Variants in ZC3H12D observed in about 807,000 individuals in gnomAD.
ZC3H12D encodes the protein probable ribonuclease ZC3H12D.
ZC3H12D carries 11 observed loss-of-function variants against 24.2 expected under a neutral mutation model. The observed-to-expected ratio is 0.46, with a 90% CI of 0.29 to 0.75. ZC3H12D has a LOEUF of 0.75. ZC3H12D is among the 30% of genes least tolerant of loss of function. The pLI is 0.11. For synonymous variants in ZC3H12D, 333 were observed against 341.8 expected, an observed-to-expected ratio of 0.97 and a Z score of 0.28; for missense variants, 740 against 767.7, an observed-to-expected ratio of 0.96 and a Z score of 0.43.
chr6:149,452,338 C>T lies in ZC3H12D; in HGVS notation c.787+278G>A, dbSNP rs865981378. The T allele has an allele frequency of 8.4e-6, 3 of 358,964 alleles. No homozygotes were observed. Among genetic ancestry groups the T allele is most frequent in the South Asian group, 9.5e-5 (1 of 10,472 alleles). The allele number at this position is 358,964 out of a possible 1,614,324, so 22.2% of individuals were successfully genotyped here. A position where few individuals can be genotyped will look rare whatever the true frequency, so the allele number is the denominator to read the frequency against. On this transcript the variant is annotated intron_variant, in intron 5 of 5. Transcript: ENST00000409806. The surrounding 1 kb of genome is among the most constrained non-coding windows in gnomAD (Gnocchi z 4.0). ...CTGAGACCCGCAGCTGGGTTTGTGT[C>T]CAGGCTCCCGGCTTCTCAGACACAG...
At chr6:149,472,040 C>A (rs1776252509) in intron 2 of ZC3H12D, among the ~76,000 whole-genome samples, 1 of 152,220 alleles carries the variant, frequency 6.6e-6, no homozygotes, top group African/African-American at 2.4e-5. Context: ...CAATGAGACA[C>A]CACTTTGGGT....
At chr6:149,476,710 A>G (rs1462452265) in intron 1 of ZC3H12D, among the ~76,000 whole-genome samples, 2 of 152,190 alleles carry the variant, frequency 1.3e-5, no homozygotes, top group Non-Finnish European at 1.5e-5. Context: ...TAGGAGGCTG[A>G]GACGGGAAAA....
At chr6:149,462,192 G>A (rs2115005985) in intron 2 of ZC3H12D, among the ~76,000 whole-genome samples, 1 of 152,192 alleles carries the variant, frequency 6.6e-6, no homozygotes, top group Admixed American at 6.5e-5. Flanking sequence ...TGGCCAACAT[G>A]GTGAAACCCC....
intron 3 of ZC3H12D, 122 bp from the exon 4 acceptor site, chr6:149,457,022 A>G: frequency 1.1e-6 from 1 of 915,834 alleles, no homozygotes; most frequent in Non-Finnish European, 1.6e-6. Flanking sequence ...GGAGCGGGGA[A>G]AAAACACCAG....
intron 1 of ZC3H12D, among the ~76,000 whole-genome samples, 156 bp from the exon 2 acceptor site, chr6:149,474,769 A>C (rs1776305306): frequency 6.6e-6 from 1 of 152,228 alleles, no homozygotes; most frequent in Admixed American, 6.5e-5. Flanking sequence ...GTGGCTGTGG[A>C]GCTGCAGAAG....
Position 149,451,091 on chromosome 6 carries a change from AG to A in ZC3H12D, c.1175del (p.Pro392LeufsTer106). On this transcript the variant is annotated frameshift_variant, in exon 6 of 6. Coordinates refer to ENST00000409806, the MANE Select transcript of ZC3H12D (RefSeq NM_207360.3). LOFTEE classifies it low-confidence loss of function (END_TRUNC). Reference sequence around the variant, plus strand: ...CCGGGGAGAACTGGCTCTCCGGGCTAGGGAGGCTGAGCGGGCCTGGCACCCG... The same window carrying A: ...CCGGGGAGAACTGGCTCTCCGGGCTAGGAGGCTGAGCGGGCCTGGCACCCG... ...GGRVPGPLSLPSPESQFSPGD... is the reference protein window; with the variant it reads ...GGRVPGPLSLXSPESQFSPGD... The A allele has an allele frequency of 7.2e-7, 1 of 1,380,068 alleles. No homozygotes were observed. The allele number at this position is 1,380,068 out of a possible 1,614,324, so 85.5% of individuals were successfully genotyped here. A position where few individuals can be genotyped will look rare whatever the true frequency, so the allele number is the denominator to read the frequency against.
intron 1 of ZC3H12D, among the ~76,000 whole-genome samples, chr6:149,482,261 G>A (rs1776439395): frequency 6.6e-6 from 1 of 152,270 alleles, no homozygotes; most frequent in East Asian, 1.9e-4. Context: ...GTGGGGTGCT[G>A]CTCTTAGGAG....
At position 149,452,924 on chromosome 6, in the gene ZC3H12D, C is replaced by G. The variant is rs1775924321; in HGVS notation, c.681-202G>C. On this transcript the variant is annotated intron_variant, in intron 4 of 5. Coordinates refer to ENST00000409806, the MANE Select transcript of ZC3H12D (RefSeq NM_207360.3). This position sits in a 1 kb window ranked among gnomAD's most constrained non-coding sequence, Gnocchi z 4.0. ...CCCATGCAGAGCACACAGCACAGCT[C>G]TGGCCCTCTTTGGGTGTTTCTCCTG... Among the ~76,000 whole-genome samples the G allele has an allele frequency of 6.6e-6, 1 of 152,158 alleles. No individual in the cohort carries two copies. The highest frequency in any genetic ancestry group is 1.5e-5 in the Non-Finnish European group (1 of 68,028).
chr6:149,456,636 C>A lies in ZC3H12D; in HGVS notation c.680+30G>T. On this transcript the variant is annotated intron_variant, in intron 4 of 5. Transcript: ENST00000409806. The surrounding 1 kb of genome is among the most constrained non-coding windows in gnomAD (Gnocchi z 4.3). ...CCCCGGCCCCCCGCCCCGCCGCCCC[C>A]CAGGGTGTCAGGACCCCAGCCGGAC... 2 of 1,563,876 alleles carry A rather than the reference C, an allele frequency of 1.3e-6. No individual in the cohort carries two copies. Among genetic ancestry groups the A allele is most frequent in the Non-Finnish European group, 1.8e-6 (2 of 1,137,800 alleles).
At chr6:149,468,743 C>T (rs558269997) in intron 2 of ZC3H12D, among the ~76,000 whole-genome samples, 30 of 152,250 alleles carry the variant, frequency 2.0e-4, no homozygotes, top group African/African-American at 5.8e-4. Context: ...CCAAGGCTAA[C>T]GTCAGACAGA....
In ZC3H12D at chr6:149,450,137, G is replaced by A. The variant is rs1218970138; in HGVS notation, c.*546C>T. 2 of 152,326 alleles carry A rather than the reference G, an allele frequency of 1.3e-5. No homozygotes were observed. The highest frequency in any genetic ancestry group is 4.8e-5 in the African/African-American group (2 of 41,440). 9.4% of individuals were successfully genotyped at this position (152,326 alleles called of 1,614,324 possible). A position where few individuals can be genotyped will look rare whatever the true frequency, so the allele number is the denominator to read the frequency against. On this transcript the variant is annotated 3_prime_UTR_variant, in exon 6 of 6. Transcript: ENST00000409806. ...TAGCTAACATGAAAACTTCCAGATA[G>A]CAAACCTCCCCTGGCCACCTGACTA...
rs371954872 is a variant in ZC3H12D, at chr6:149,449,925, C to CTG, written c.*756_*757dup. 6.1e-3 allele frequency: 876 copies of CTG among 144,088 alleles called. 2 individuals carry two copies. Among genetic ancestry groups the CTG allele is most frequent in the South Asian group, 8.1e-3 (36 of 4,470 alleles). The allele number at this position is 144,088 out of a possible 1,614,324, so 8.9% of individuals were successfully genotyped here. On this transcript the variant is annotated 3_prime_UTR_variant, in exon 6 of 6. Coordinates refer to ENST00000409806, the MANE Select transcript of ZC3H12D (RefSeq NM_207360.3). ...TGTGAGTATGTACATGTATGATAGA[C>CTG]TGTGTGTGTGTGTGTGTGTGTGTGT...
Position 149,451,286 on chromosome 6 carries a change from C to A in ZC3H12D, c.981G>T (p.Ala327=), listed in dbSNP as rs1387490772. The A allele has an allele frequency of 1.4e-5, 18 of 1,317,646 alleles. No individual in the cohort carries two copies. The highest frequency in any genetic ancestry group is 1.7e-5 in the Non-Finnish European group (18 of 1,042,150). 81.6% of individuals were successfully genotyped at this position (1,317,646 alleles called of 1,614,324 possible). ...GARAAPREPF[A]HSLPPARGSP... ...ACCCCCGCGCCGGCGGGAGGCTGTG[C>A]GCAAATGGTTCCCGGGGGGCCGCCC... Residue 327 remains alanine, a synonymous_variant, in exon 6 of 6, where the codon GCG becomes GCT. Coordinates refer to ENST00000409806, the MANE Select transcript of ZC3H12D (RefSeq NM_207360.3).
rs60382924 is a variant in ZC3H12D at position 149,449,307 on chromosome 6, C to T, written c.*1376G>A. On this transcript the variant is annotated 3_prime_UTR_variant, in exon 6 of 6. Transcript: ENST00000409806. Reference sequence around the variant, plus strand: ...CCAGCCCCAGTGTAACTGTGAAGTGCGGCTGTCATGTTTACAGTCCCAGTT... The same window carrying T: ...CCAGCCCCAGTGTAACTGTGAAGTGTGGCTGTCATGTTTACAGTCCCAGTT... The T allele has an allele frequency of 0.049, 7,393 of 152,230 alleles. 496 individuals carry two copies. The highest frequency in any genetic ancestry group is 0.33 in the East Asian group (1,717 of 5,160). The allele number at this position is 152,230 out of a possible 1,614,324, so 9.4% of individuals were successfully genotyped here. A position where few individuals can be genotyped will look rare whatever the true frequency, so the allele number is the denominator to read the frequency against.
chr6:149,465,806 C>A (rs1049775463), intron 2 of ZC3H12D, among the ~76,000 whole-genome samples: 1 of 151,656 alleles, frequency 6.6e-6, no homozygotes, highest in African/African-American at 2.4e-5. Context: ...TCCTTTCCAG[C>A]CCAGCAGAAG....
chr6:149,456,812 G>T lies in ZC3H12D; in HGVS notation c.534C>A (p.Tyr178Ter). 1.2e-6 allele frequency: 2 copies of T among 1,613,004 alleles called. No homozygotes were observed. Among genetic ancestry groups the T allele is most frequent in the Non-Finnish European group, 1.7e-6 (2 of 1,179,776 alleles). Residue 178 changes from tyrosine to a stop codon, truncating the protein, a stop_gained, in exon 4 of 6, where the codon TAC becomes TAA. Transcript: ENST00000409806. LOFTEE classifies it high-confidence loss of function. This position sits in a 1 kb window ranked among gnomAD's most constrained non-coding sequence, Gnocchi z 4.3. ...CCACCTTCACGATGTAGCGGTCGTC[G>T]TAGCAGACCAGGCGCTTGCCGTGCA... is the stretch of plus-strand genomic sequence containing the variant. ...RKVHGKRLVC[Y>*]DDRYIVKVAY... is the part of the protein sequence containing the mutation.
chr6:149,456,616 G>GGGGGAGGCCC lies in ZC3H12D; in HGVS notation c.680+49_680+50insGGGCCTCCCC. 1 of 1,130,410 alleles carries GGGGGAGGCCC rather than the reference G, an allele frequency of 8.8e-7. No homozygotes were observed. The highest frequency in any genetic ancestry group is 1.3e-6 in the Non-Finnish European group (1 of 763,264). The allele number at this position is 1,130,410 out of a possible 1,614,324, so 70.0% of individuals were successfully genotyped here. On this transcript the variant is annotated intron_variant, in intron 4 of 5. Coordinates refer to ENST00000409806, the MANE Select transcript of ZC3H12D (RefSeq NM_207360.3). The surrounding 1 kb of genome is among the most constrained non-coding windows in gnomAD (Gnocchi z 4.3). ...AGGCGTGGCCACTGCCTCGACCCCG[G>GGGGGAGGCCC]CCCCCCGCCCCGCCGCCCCCCAGGG...
intron 2 of ZC3H12D, among the ~76,000 whole-genome samples, chr6:149,462,496 T>C (rs1161762137): frequency 6.6e-6 from 1 of 152,254 alleles, no homozygotes; most frequent in African/African-American, 2.4e-5. Context: ...TAGCTTGTGA[T>C]AGGTATGTAG....
intron 1 of ZC3H12D, 133 bp from the exon 2 acceptor site, chr6:149,474,746 T>G (rs1267268963): frequency 6.9e-6 from 3 of 434,866 alleles, no homozygotes; most frequent in Non-Finnish European, 1.2e-5. Context: ...CTGGGGACTT[T>G]CAGTTGCTCA....
Sources: gnomAD v4.1 joint callset for allele counts (sites outside exome capture counted in the v4.1 genomes callset) on GRCh38, gnomAD v4.1.1 for gene constraint, Gnocchi (gnomAD v3.1) non-coding constraint, MANE v1.5 for transcripts, NCBI Gene and HGNC (gene_info 2026-07-23, HGNC 2026-07-21) for gene names.